TMPRSS11F: variants seen among roughly 807,000 people sequenced by gnomAD.
TMPRSS11F encodes transmembrane serine protease 11F.
Under a neutral mutation model 60.2 loss-of-function variants are expected in TMPRSS11F, and 47 were observed. The ratio of observed to expected loss-of-function variants is 0.78; its 90% CI spans 0.62 to 1.00. TMPRSS11F has a LOEUF of 1.00. Ranked by LOEUF, TMPRSS11F falls within the 50% of genes least tolerant of loss-of-function variation. The pLI is 0.00. For missense variants in TMPRSS11F, 519 were observed against 522.9 expected (o/e 0.99, Z 0.07); for synonymous variants, 166 against 167.3 (o/e 0.99, Z 0.06).
intron 1 of TMPRSS11F, among the ~76,000 whole-genome samples, chr4:68,123,403 G>C (rs975458625): frequency 4.6e-5 from 7 of 152,138 alleles, no homozygotes; most frequent in Non-Finnish European, 1.0e-4. Context: ...TACTGAAAAA[G>C]ATTCTGCTCA....
At position 68,106,418 on chromosome 4, in the gene TMPRSS11F, C is replaced by T. The variant is rs553716267; in HGVS notation, c.12-7380G>A. 5.8e-4 allele frequency among the ~76,000 whole-genome samples: 89 copies of T among 152,222 alleles called. No individual in the cohort carries two copies. In the Middle Eastern group the frequency reaches 0.017, roughly 29 times the overall value. On this transcript the variant is annotated intron_variant, in intron 1 of 9. Coordinates refer to ENST00000356291, the MANE Select transcript of TMPRSS11F (RefSeq NM_207407.2). The stretch of plus-strand genomic sequence containing the variant: ...TAAGTCATGATGACACTGGTATTTT[C>T]ATGAGGAGGCAAAATTTGCTTTGGA...
chr4:68,117,522 C>T (rs1724551484), intron 1 of TMPRSS11F, among the ~76,000 whole-genome samples: 1 of 145,180 alleles, frequency 6.9e-6, no homozygotes, highest in Admixed American at 6.8e-5. Context: ...ATAGACATTC[C>T]ATCAAAGAAG....
rs767540987 is a variant in TMPRSS11F, at chr4:68,054,026, G to C, written c.1200C>G (p.Ile400Met). Residue 400 changes from isoleucine to methionine, a missense_variant, in exon 10 of 10, where the codon ATC becomes ATG. By Grantham distance (10) the Ile-to-Met change is conservative (BLOSUM62 1). Coordinates refer to ENST00000356291, the MANE Select transcript of TMPRSS11F (RefSeq NM_207407.2). The stretch of plus-strand genomic sequence containing the variant: ...AACTTACTATACCTACAATGTACCA[G>C]ATGTCATGATTATCATAAACCAGAG... ...GGPLVYDNHDIWYIVGIVSWG... is the reference protein window; with the variant it reads ...GGPLVYDNHDMWYIVGIVSWG... The C allele has an allele frequency of 6.2e-7, 1 of 1,613,336 alleles. No homozygotes were observed. The highest frequency in any genetic ancestry group is 8.5e-7 in the Non-Finnish European group (1 of 1,179,488).
intron 1 of TMPRSS11F, among the ~76,000 whole-genome samples, chr4:68,104,231 C>A (rs1442114702): frequency 1.3e-5 from 2 of 152,138 alleles, no homozygotes; most frequent in Non-Finnish European, 2.9e-5. Flanking sequence ...GGTGGAAATG[C>A]ATTCAGTTTT....
rs1241478560 is a variant in TMPRSS11F at position 68,093,785 on chromosome 4, A to G, written c.164-3144T>C. Reference sequence around the variant, plus strand: ...AAAGAAGACATTTATGCAGCCAAAAAACACATGAAAAAATGCTCACCATCA... The same window carrying G: ...AAAGAAGACATTTATGCAGCCAAAAGACACATGAAAAAATGCTCACCATCA... On this transcript the variant is annotated intron_variant, in intron 2 of 9. Coordinates refer to ENST00000356291, the MANE Select transcript of TMPRSS11F (RefSeq NM_207407.2). 1.3e-4 allele frequency among the ~76,000 whole-genome samples: 19 copies of G among 151,652 alleles called. No individual in the cohort carries two copies. The South Asian group carries it at 3.8e-3, about 30-fold the overall frequency.
At chr4:68,092,595 A>C (rs1441894427) in intron 2 of TMPRSS11F, among the ~76,000 whole-genome samples, 1 of 152,168 alleles carries the variant, frequency 6.6e-6, no homozygotes, top group Non-Finnish European at 1.5e-5. Flanking sequence ...ATCAATATTT[A>C]CCAAGTTCCT....
chr4:68,082,991 A>T (rs1359462643), intron 3 of TMPRSS11F, among the ~76,000 whole-genome samples: 4 of 152,172 alleles, frequency 2.6e-5, no homozygotes. Flanking sequence ...AAGCAAACAG[A>T]AGGAAACTTG....
intron 3 of TMPRSS11F, among the ~76,000 whole-genome samples, chr4:68,075,791 G>A (rs1257854016): frequency 6.6e-6 from 1 of 151,974 alleles, no homozygotes; most frequent in Non-Finnish European, 1.5e-5. Flanking sequence ...TCAGGAGATC[G>A]AGACCATCCT....
chr4:68,087,870 TC>T (rs903728186), intron 3 of TMPRSS11F, among the ~76,000 whole-genome samples: 1 of 75,270 alleles, frequency 1.3e-5, no homozygotes, highest in Non-Finnish European at 2.4e-5. Context: ...CCCTCCCCCC[TC>T]CCCCCACCCC....
chr4:68,103,055 T>C (rs1171479640), intron 1 of TMPRSS11F, among the ~76,000 whole-genome samples: 1 of 149,746 alleles, frequency 6.7e-6, no homozygotes, highest in Non-Finnish European at 1.5e-5. Flanking sequence ...TCTTGTTTAA[T>C]TTACCATACC....
chr4:68,072,684 A>G (rs1723505381), intron 4 of TMPRSS11F, among the ~76,000 whole-genome samples, 198 bp from the exon 5 acceptor site: 1 of 152,134 alleles, frequency 6.6e-6, no homozygotes, highest in African/African-American at 2.4e-5. Context: ...GAAGAAATAA[A>G]GACAACATTC....
intron 4 of TMPRSS11F, among the ~76,000 whole-genome samples, chr4:68,073,653 T>C (rs1172302292): frequency 1.4e-5 from 2 of 146,248 alleles, no homozygotes; most frequent in South Asian, 2.2e-4. Flanking sequence ...AAGTTCTACT[T>C]AGCCCCTAGC....
chr4:68,121,066 G>T (rs1162370103), intron 1 of TMPRSS11F, among the ~76,000 whole-genome samples: 1 of 152,140 alleles, frequency 6.6e-6, no homozygotes, highest in Non-Finnish European at 1.5e-5. Context: ...TATCTTCAGG[G>T]TGTGCATGTA....
At chr4:68,112,074 T>C (rs1436709952) in intron 1 of TMPRSS11F, among the ~76,000 whole-genome samples, 2 of 152,204 alleles carry the variant, frequency 1.3e-5, no homozygotes, top group African/African-American at 4.8e-5. Context: ...AAGCCTTTGA[T>C]ACTGTCTCTT....
chr4:68,065,081 T>A, intron 7 of TMPRSS11F, 137 bp from the exon 8 acceptor site: 1 of 802,428 alleles, frequency 1.2e-6, no homozygotes, highest in African/African-American at 1.7e-5. Context: ...GTTGATAACA[T>A]AATAGGAAAA....
intron 9 of TMPRSS11F, among the ~76,000 whole-genome samples, chr4:68,054,928 TG>T (rs1723009535): frequency 6.6e-6 from 1 of 152,138 alleles, no homozygotes; most frequent in Admixed American, 6.6e-5. Flanking sequence ...ATACGTGCTA[TG>T]GTAACACACA....
intron 1 of TMPRSS11F, among the ~76,000 whole-genome samples, chr4:68,112,115 T>C (rs1408408093): frequency 6.6e-6 from 1 of 152,202 alleles, no homozygotes; most frequent in Non-Finnish European, 1.5e-5. Context: ...ACCTACTGTC[T>C]ACTGAATCAA....
intron 1 of TMPRSS11F, among the ~76,000 whole-genome samples, chr4:68,120,404 T>G (rs1205322173): frequency 1.4e-5 from 1 of 69,594 alleles, no homozygotes; most frequent in Non-Finnish European, 3.1e-5. Context: ...TTTTTTTTTT[T>G]TTGAGACGGA....
intron 3 of TMPRSS11F, among the ~76,000 whole-genome samples, chr4:68,083,500 A>G (rs1723747720): frequency 6.6e-6 from 1 of 152,136 alleles, no homozygotes; most frequent in South Asian, 2.1e-4. Flanking sequence ...TTATAACACC[A>G]ACAAAATTCT....
Sources: allele counts gnomAD v4.1 joint callset (sites outside exome capture counted in the v4.1 genomes callset), GRCh38; gene constraint gnomAD v4.1.1; transcripts MANE v1.5; gene names NCBI Gene and HGNC (gene_info 2026-07-23, HGNC 2026-07-21).